The following ATP6V1C1 variants were observed in gnomAD, a reference collection of about 807,000 sequenced individuals.
The protein encoded by ATP6V1C1 is V-type proton ATPase subunit C 1.
ATP6V1C1 carries 45 observed loss-of-function variants against 53.9 expected under a neutral mutation model. That is an observed-to-expected ratio of 0.83 (90% CI 0.66 to 1.07). The LOEUF is 1.07. Ranked by LOEUF, ATP6V1C1 falls within the 50% of genes least tolerant of loss-of-function variation. The probability of loss-of-function intolerance (pLI) is 0.00; values close to 1 mark genes in which losing one functional copy is unlikely to be tolerated. For synonymous variants in ATP6V1C1, 153 were observed against 155.2 expected, an observed-to-expected ratio of 0.99 and a Z score of 0.11; for missense variants, 315 against 440.3, an observed-to-expected ratio of 0.72 and a Z score of 2.55.
chr8:103,063,305 A>G (rs1043511705), intron 10 of ATP6V1C1, 77 bp downstream of exon 10: 2 of 992,980 alleles, frequency 2.0e-6, no homozygotes, highest in Non-Finnish European at 2.9e-6. Flanking sequence ...GATTTAAAAG[A>G]AAGTAAAAAT....
At chr8:103,056,271 T>G (rs1253247551) in intron 8 of ATP6V1C1, among the ~76,000 whole-genome samples, 3 of 152,218 alleles carry the variant, frequency 2.0e-5, no homozygotes, top group African/African-American at 7.2e-5. Context: ...TGAAAATTCT[T>G]TATTCATTAT....
chr8:103,043,481 C>G (rs1817038212), intron 3 of ATP6V1C1, among the ~76,000 whole-genome samples: 2 of 149,200 alleles, frequency 1.3e-5, no homozygotes, highest in South Asian at 4.2e-4. Flanking sequence ...CACCACCACG[C>G]CCAGCTAATT....
chr8:103,029,345 C>G (rs1383822314), intron 1 of ATP6V1C1, among the ~76,000 whole-genome samples: 4 of 151,568 alleles, frequency 2.6e-5, no homozygotes, highest in African/African-American at 4.9e-5. Flanking sequence ...TCTTGGCTCA[C>G]TGCAACCTCT....
At chr8:103,042,259 A>C (rs1369304435) in intron 2 of ATP6V1C1, 81 bp from the exon 3 acceptor site, 1 of 1,346,394 alleles carries the variant, frequency 7.4e-7, no homozygotes, top group African/African-American at 1.5e-5. Context: ...GATTTGTGAG[A>C]ACTTTAGGTC....
chr8:103,042,665 G>A (rs2131389894), intron 3 of ATP6V1C1, among the ~76,000 whole-genome samples: 1 of 152,194 alleles, frequency 6.6e-6, no homozygotes, highest in East Asian at 1.9e-4. Flanking sequence ...CCTATTTCAG[G>A]TGTACAATTC....
chr8:103,043,739 A>G (rs1429240993), intron 3 of ATP6V1C1, among the ~76,000 whole-genome samples: 3 of 151,896 alleles, frequency 2.0e-5, no homozygotes, highest in Admixed American at 2.0e-4. Flanking sequence ...TTCCTTGGAG[A>G]AATGTCTATT....
intron 10 of ATP6V1C1, among the ~76,000 whole-genome samples, chr8:103,063,658 A>G (rs1389918617): frequency 6.6e-6 from 1 of 152,162 alleles, no homozygotes; most frequent in Non-Finnish European, 1.5e-5. Context: ...TCAATGCCTC[A>G]ATCTTTTATT....
At chr8:103,025,363 A>G (rs1816678313) in intron 1 of ATP6V1C1, among the ~76,000 whole-genome samples, 1 of 152,222 alleles carries the variant, frequency 6.6e-6, no homozygotes, top group Non-Finnish European at 1.5e-5. Flanking sequence ...ATACATTTCC[A>G]GACTCCTCCT....
At chr8:103,031,147 A>G (rs1048395851) in intron 1 of ATP6V1C1, among the ~76,000 whole-genome samples, 1 of 152,228 alleles carries the variant, frequency 6.6e-6, no homozygotes. Flanking sequence ...AGAAAACATG[A>G]ACATAATGAG....
chr8:103,049,406 C>A lies in ATP6V1C1; in HGVS notation c.286+451C>A, dbSNP rs562934606. 2.6e-5 allele frequency among the ~76,000 whole-genome samples: 4 copies of A among 152,156 alleles called. No homozygotes were observed. In the South Asian group the frequency reaches 6.2e-4, roughly 24 times the overall value. The stretch of plus-strand genomic sequence containing the variant: ...ATTAATTTTATTGCAGAATAGTGCC[C>A]CCTCAGTATGATTTTGGCATTTCTT... On this transcript the variant is annotated intron_variant, in intron 4 of 12. Coordinates refer to ENST00000518738, the MANE Select transcript of ATP6V1C1 (RefSeq NM_001695.5).
intron 1 of ATP6V1C1, among the ~76,000 whole-genome samples, chr8:103,038,329 T>G (rs1050014068): frequency 6.6e-6 from 1 of 152,158 alleles, no homozygotes; most frequent in Admixed American, 6.5e-5. Context: ...CCTCTTGAGG[T>G]CTGAGCCCTG....
intron 1 of ATP6V1C1, among the ~76,000 whole-genome samples, chr8:103,036,021 A>G (rs1215135806): frequency 2.6e-5 from 4 of 152,192 alleles, no homozygotes; most frequent in African/African-American, 9.7e-5. Context: ...ATCAGAATTC[A>G]CTGGACCAAC....
intron 1 of ATP6V1C1, among the ~76,000 whole-genome samples, chr8:103,028,215 A>G (rs1054984297): frequency 3.9e-5 from 6 of 152,142 alleles, no homozygotes; most frequent in African/African-American, 1.4e-4. Context: ...ACTGGAAGAG[A>G]GAAATTTGTT....
intron 8 of ATP6V1C1, among the ~76,000 whole-genome samples, chr8:103,056,568 C>T (rs1013432097): frequency 2.0e-5 from 3 of 152,158 alleles, no homozygotes; most frequent in African/African-American, 7.2e-5. Flanking sequence ...AGTTAAAATG[C>T]TTAAATAGTT....
chr8:103,068,599 T>G lies in ATP6V1C1; in HGVS notation c.1054-53T>G. ...AAGGTAAATGTTAATACTTGCTTTCTTTTTTTGAGTTCTGTAAATACAAAA... is the reference window on the plus strand; with the variant it reads ...AAGGTAAATGTTAATACTTGCTTTCGTTTTTTGAGTTCTGTAAATACAAAA... On this transcript the variant is annotated intron_variant, in intron 12 of 12. Coordinates refer to ENST00000518738, the MANE Select transcript of ATP6V1C1 (RefSeq NM_001695.5). The G allele has an allele frequency of 2.1e-6, 3 of 1,395,928 alleles. No individual in the cohort carries two copies. The Admixed American group carries it at 6.3e-5, about 29-fold the overall frequency. 86.5% of individuals were successfully genotyped at this position (1,395,928 alleles called of 1,614,324 possible).
chr8:103,055,039 T>C (rs1817266140), intron 7 of ATP6V1C1, among the ~76,000 whole-genome samples: 1 of 152,146 alleles, frequency 6.6e-6, no homozygotes, highest in Non-Finnish European at 1.5e-5. Context: ...AGGATTTCAC[T>C]CCAGAAATTT....
At chr8:103,042,473 T>G in intron 3 of ATP6V1C1, 66 bp downstream of exon 3, 1 of 1,501,478 alleles carries the variant, frequency 6.7e-7, no homozygotes, top group South Asian at 1.1e-5. Context: ...TCATGGACAC[T>G]GGGTTTATTA....
At position 103,071,509 on chromosome 8, in the gene ATP6V1C1, C is replaced by T. The variant is rs944378421; in HGVS notation, c.*2762C>T. The stretch of plus-strand genomic sequence containing the variant: ...CACACTCAACTGTTGTGTGAATGAG[C>T]CAGACACATTGCTTAACCTGAGTCC... On this transcript the variant is annotated 3_prime_UTR_variant, in exon 13 of 13. Transcript: ENST00000518738. The T allele has an allele frequency of 6.6e-6, 1 of 152,158 alleles. No homozygotes were observed. The highest frequency in any genetic ancestry group is 1.5e-5 in the Non-Finnish European group (1 of 68,038). The allele number at this position is 152,158 out of a possible 1,614,324, so 9.4% of individuals were successfully genotyped here.
intron 1 of ATP6V1C1, among the ~76,000 whole-genome samples, chr8:103,028,772 T>C (rs981742854): frequency 6.6e-6 from 1 of 152,238 alleles, no homozygotes; most frequent in Non-Finnish European, 1.5e-5. Context: ...AAATTGACAT[T>C]TGGGTTTTCT....
Sources: allele counts gnomAD v4.1 joint callset (sites outside exome capture counted in the v4.1 genomes callset), GRCh38; gene constraint gnomAD v4.1.1; transcripts MANE v1.5; gene names NCBI Gene and HGNC (gene_info 2026-07-23, HGNC 2026-07-21).